ALK: variants seen among roughly 807,000 people sequenced by gnomAD.
ALK encodes ALK receptor tyrosine kinase.
A neutral mutation model predicts 163.1 loss-of-function variants in ALK; 74 were observed. The ratio of observed to expected loss-of-function variants is 0.45; its 90% confidence interval spans 0.38 to 0.55. The LOEUF is 0.55. ALK is among the 20% of genes least tolerant of loss of function. The probability of loss-of-function intolerance (pLI) is 0.00; values close to 1 mark genes in which losing one functional copy is unlikely to be tolerated. For missense variants in ALK, 2,063 were observed against 2,105.3 expected (o/e 0.98, Z 0.39); for synonymous variants, 960 against 843.2 (o/e 1.14, Z -2.40).
chr2:29,291,468 G>A (rs541913041), intron 9 of ALK, among the ~76,000 whole-genome samples: 19 of 152,270 alleles, frequency 1.2e-4, no homozygotes, highest in South Asian at 4.2e-4. Context: ...CAGTACATAG[G>A]AGGCAGACCA....
chr2:29,425,419 C>T (rs771572113), intron 4 of ALK, among the ~76,000 whole-genome samples: 2 of 152,140 alleles, frequency 1.3e-5, no homozygotes, highest in African/African-American at 4.8e-5. Context: ...GGCTAAACTC[C>T]AGGTAAGCAT....
At chr2:29,720,502 G>A (rs1438788839) in intron 1 of ALK, among the ~76,000 whole-genome samples, 3 of 152,120 alleles carry the variant, frequency 2.0e-5, no homozygotes, top group African/African-American at 7.2e-5. Context: ...GTGATAAGCC[G>A]GATGAGGCTA....
intron 4 of ALK, among the ~76,000 whole-genome samples, chr2:29,466,409 T>C (rs1274220048): frequency 6.6e-6 from 1 of 152,128 alleles, no homozygotes; most frequent in African/African-American, 2.4e-5. Flanking sequence ...GGAGAACACA[T>C]TTCAAATATG....
chr2:29,880,109 T>G (rs1313507004), intron 1 of ALK, among the ~76,000 whole-genome samples: 2 of 152,222 alleles, frequency 1.3e-5, no homozygotes, highest in Non-Finnish European at 2.9e-5. Flanking sequence ...TGCCATCTTT[T>G]CTGCAGACCC....
chr2:29,381,457 G>A (rs968930805), intron 5 of ALK, among the ~76,000 whole-genome samples: 3 of 152,210 alleles, frequency 2.0e-5, no homozygotes, highest in Non-Finnish European at 2.9e-5. Context: ...TCTCCAATGC[G>A]GGGAGAATTG....
intron 5 of ALK, among the ~76,000 whole-genome samples, chr2:29,344,805 CA>C (rs1667898477): frequency 6.6e-6 from 1 of 152,010 alleles, no homozygotes; most frequent in African/African-American, 2.4e-5. Flanking sequence ...AGCCAGGGGG[CA>C]AAAGAAGGCT....
chr2:29,785,655 T>C (rs1663989874), intron 1 of ALK, among the ~76,000 whole-genome samples: 1 of 152,178 alleles, frequency 6.6e-6, no homozygotes, highest in African/African-American at 2.4e-5. Context: ...GTGTGCAGGC[T>C]GCAAGGCTGA....
intron 3 of ALK, among the ~76,000 whole-genome samples, chr2:29,645,944 G>A (rs1311404433): frequency 6.6e-6 from 1 of 152,048 alleles, no homozygotes; most frequent in African/African-American, 2.4e-5. Flanking sequence ...CTTAGCTACA[G>A]TCATTCATTC....
chr2:29,546,413 A>C (rs1573446139), intron 3 of ALK, among the ~76,000 whole-genome samples: 2 of 152,388 alleles, frequency 1.3e-5, no homozygotes, highest in African/African-American at 4.8e-5. Flanking sequence ...TCCTCAAGGA[A>C]AATAGAAAAG....
intron 4 of ALK, among the ~76,000 whole-genome samples, chr2:29,449,602 G>A (rs1670772059): frequency 1.3e-5 from 2 of 152,202 alleles, no homozygotes; most frequent in South Asian, 4.1e-4. Context: ...CTTGGAACAG[G>A]AAAGCCCCTG....
chr2:29,848,530 A>G (rs939745025), intron 1 of ALK, among the ~76,000 whole-genome samples: 3 of 152,202 alleles, frequency 2.0e-5, no homozygotes, highest in African/African-American at 7.2e-5. Flanking sequence ...GGCTTTTCGC[A>G]TAGTGTTTTA....
At chr2:29,446,678 G>T (rs1489496724) in intron 4 of ALK, among the ~76,000 whole-genome samples, 1 of 152,106 alleles carries the variant, frequency 6.6e-6, no homozygotes, top group African/African-American at 2.4e-5. Flanking sequence ...TATTTTATTT[G>T]ACATACTTGG....
In ALK at chr2:29,459,508, CA is replaced by C. The variant is rs373048462; in HGVS notation, c.1154+72406del. ...CTCAGGCGGAAATCTTTGATTGTTG[CA>C]AACTCGTTATTTTTGGCAACTGATT... is the stretch of plus-strand genomic sequence containing the variant. On this transcript the variant is annotated intron_variant, in intron 4 of 28. Coordinates refer to ENST00000389048, the MANE Select transcript of ALK (RefSeq NM_004304.5). Among the ~76,000 whole-genome samples, 635 of 152,030 alleles carry C rather than the reference CA, an allele frequency of 4.2e-3. 6 individuals carry two copies. The highest frequency in any genetic ancestry group is 0.014 in the African/African-American group (599 of 41,478).
chr2:29,642,678 A>T (rs1352431062), intron 3 of ALK, among the ~76,000 whole-genome samples: 1 of 152,088 alleles, frequency 6.6e-6, no homozygotes. Context: ...CTCCTGTCTC[A>T]GACTCAACTC....
chr2:29,294,837 T>C (rs1666131356), intron 9 of ALK, among the ~76,000 whole-genome samples: 1 of 152,226 alleles, frequency 6.6e-6, no homozygotes, highest in Non-Finnish European at 1.5e-5. Context: ...CACTATTTGA[T>C]TCCAAAGCCT....
intron 8 of ALK, among the ~76,000 whole-genome samples, chr2:29,317,349 G>T (rs572594067): frequency 6.6e-6 from 1 of 152,178 alleles, no homozygotes; most frequent in Non-Finnish European, 1.5e-5. Flanking sequence ...TCTACTACAC[G>T]CAAGATGTTG....
At chr2:29,709,012 A>G (rs1166114167) in intron 2 of ALK, among the ~76,000 whole-genome samples, 1 of 152,096 alleles carries the variant, frequency 6.6e-6, no homozygotes, top group Non-Finnish European at 1.5e-5. Flanking sequence ...ATTTTCTCTC[A>G]TTTTTCTCAC....
chr2:29,807,619 C>T (rs1664655328), intron 1 of ALK, among the ~76,000 whole-genome samples: 1 of 152,090 alleles, frequency 6.6e-6, no homozygotes, highest in Non-Finnish European at 1.5e-5. Context: ...TAAATGCCAG[C>T]TTCATACAAG....
intron 4 of ALK, among the ~76,000 whole-genome samples, chr2:29,485,698 C>T (rs975512801): frequency 6.6e-6 from 1 of 152,178 alleles, no homozygotes; most frequent in Admixed American, 6.5e-5. Flanking sequence ...CTCCCCTTCC[C>T]CAGCCAGGCT....
Sources: gnomAD v4.1 joint callset for allele counts (sites outside exome capture counted in the v4.1 genomes callset) on GRCh38, gnomAD v4.1.1 for gene constraint, MANE v1.5 for transcripts, NCBI Gene and HGNC (gene_info 2026-07-23, HGNC 2026-07-21) for gene names.